The following WDR72 variants were observed in gnomAD, a reference collection of about 807,000 sequenced individuals.
WDR72 encodes the protein WD repeat domain 72.
In WDR72, 120 loss-of-function variants were observed where a neutral mutation model predicts 124.2. That is an observed-to-expected ratio of 0.97 (90% CI 0.83 to 1.12). The LOEUF (loss-of-function observed/expected upper bound fraction) is 1.12, where lower values mean the gene tolerates loss of function less well. Among genes scored for constraint, WDR72 ranks in the 50% most tolerant of loss-of-function variants. WDR72 has a pLI of 0.00. For synonymous variants in WDR72, 452 were observed against 441.7 expected (o/e 1.02, Z -0.29); for missense variants, 1,387 against 1,278.8 (o/e 1.08, Z -1.29).
chr15:53,548,359 G>A (rs543785578), intron 18 of WDR72, among the ~76,000 whole-genome samples: 44 of 152,286 alleles, frequency 2.9e-4, no homozygotes, highest in Admixed American at 5.9e-4. Context: ...CCTGATGGGA[G>A]GGCTCGGGCT....
chr15:53,571,165 G>A (rs375231609), intron 18 of WDR72, among the ~76,000 whole-genome samples: 1 of 152,046 alleles, frequency 6.6e-6, no homozygotes, highest in African/African-American at 2.4e-5. Flanking sequence ...AAAGAGGGGA[G>A]AAAGTGTTGA....
chr15:53,665,421 T>A, intron 14 of WDR72, 151 bp downstream of exon 14: 1 of 852,460 alleles, frequency 1.2e-6, no homozygotes, highest in Non-Finnish European at 1.9e-6. Flanking sequence ...CAAAAAGTTA[T>A]ACTGATTCAC....
chr15:53,598,268 T>C (rs183807655), intron 17 of WDR72, among the ~76,000 whole-genome samples: 1 of 111,986 alleles, frequency 8.9e-6, no homozygotes, highest in African/African-American at 2.7e-5. Flanking sequence ...GTGCCTTTCA[T>C]ATAGCCACAT....
At chr15:53,574,486 TCA>T (rs1894679036) in intron 18 of WDR72, among the ~76,000 whole-genome samples, 1 of 152,200 alleles carries the variant, frequency 6.6e-6, no homozygotes. Context: ...TAAGAGGCAC[TCA>T]GATTTCGGAA....
At chr15:53,523,641 G>A (rs552711930) in intron 18 of WDR72, among the ~76,000 whole-genome samples, 5 of 151,948 alleles carry the variant, frequency 3.3e-5, no homozygotes, top group Non-Finnish European at 7.4e-5. Context: ...AAACAATATA[G>A]TCAATTAACA....
At position 53,699,761 on chromosome 15, in the gene WDR72, T is replaced by G. The variant is rs1383177863; in HGVS notation, c.1754A>C (p.Glu585Ala). 1 of 1,614,030 alleles carries G rather than the reference T, an allele frequency of 6.2e-7. No homozygotes were observed. The highest frequency in any genetic ancestry group is 1.3e-5 in the African/African-American group (1 of 74,918). Residue 585 changes from glutamate to alanine, a missense_variant, in exon 13 of 20, where the codon GAA (glutamate) becomes GCA (alanine). By Grantham distance (107) the Glu-to-Ala change is moderately radical (BLOSUM62 -1). Coordinates refer to ENST00000360509, the MANE Select transcript of WDR72 (RefSeq NM_182758.4). ...GCADDSVYIW[E>A]IETGTLERHE... ...AAATTTCAACTTACCTGTTTCAATTTCCCAGATATAAACTGAGTCATCTGC... is the reference window on the plus strand; with the variant it reads ...AAATTTCAACTTACCTGTTTCAATTGCCCAGATATAAACTGAGTCATCTGC...
chr15:53,534,578 A>T (rs1016913813), intron 18 of WDR72, among the ~76,000 whole-genome samples: 1 of 152,124 alleles, frequency 6.6e-6, no homozygotes, highest in Non-Finnish European at 1.5e-5. Flanking sequence ...AGTTCAAGGA[A>T]AGGGTCACTC....
At chr15:53,551,226 G>T (rs1893715673) in intron 18 of WDR72, among the ~76,000 whole-genome samples, 1 of 152,088 alleles carries the variant, frequency 6.6e-6, no homozygotes, top group South Asian at 2.1e-4. Flanking sequence ...ACGGGGAGGT[G>T]ACTGGCAAAA....
intron 14 of WDR72, among the ~76,000 whole-genome samples, chr15:53,621,485 G>C (rs1237745219): frequency 7.0e-6 from 1 of 143,326 alleles, no homozygotes; most frequent in Non-Finnish European, 1.5e-5. Flanking sequence ...GCTGTAAAAA[G>C]GAATATGACC....
intron 2 of WDR72, among the ~76,000 whole-genome samples, chr15:53,731,050 A>G (rs1383222804): frequency 1.3e-5 from 2 of 152,186 alleles, no homozygotes; most frequent in African/African-American, 4.8e-5. Flanking sequence ...GGAGTATCTC[A>G]CATTCATACG....
chr15:53,725,514 A>C (rs1472681230), intron 2 of WDR72, among the ~76,000 whole-genome samples: 1 of 152,250 alleles, frequency 6.6e-6, no homozygotes, highest in Non-Finnish European at 1.5e-5. Context: ...ACAAATGTTT[A>C]CAGTAGCTTT....
intron 18 of WDR72, among the ~76,000 whole-genome samples, chr15:53,573,475 G>A (rs939597227): frequency 5.9e-5 from 9 of 151,668 alleles, no homozygotes; most frequent in Non-Finnish European, 1.3e-4. Flanking sequence ...AATGTCATTT[G>A]ATGATGTGTT....
chr15:53,756,716 G>A (rs1472510831), intron 1 of WDR72: 2 of 152,184 alleles, frequency 1.3e-5, no homozygotes, highest in Non-Finnish European at 2.9e-5. Context: ...TACGTTCACT[G>A]CTTCATGCGG....
intron 15 of WDR72, 27 bp downstream of exon 15, chr15:53,615,399 T>C: frequency 2.0e-6 from 3 of 1,522,738 alleles, no homozygotes; most frequent in Non-Finnish European, 2.7e-6. Flanking sequence ...TAATCTAGTA[T>C]AGTCAAAATC....
chr15:53,677,699 C>T (rs1262841625), intron 13 of WDR72, among the ~76,000 whole-genome samples: 2 of 152,162 alleles, frequency 1.3e-5, no homozygotes, highest in African/African-American at 2.4e-5. Flanking sequence ...CCTCCCCAGA[C>T]ACGTGGAACT....
intron 14 of WDR72, among the ~76,000 whole-genome samples, chr15:53,652,630 T>G (rs1365278920): frequency 6.6e-6 from 1 of 152,168 alleles, no homozygotes; most frequent in Non-Finnish European, 1.5e-5. Context: ...AAGTAATTAT[T>G]TCAGGGAAGT....
At chr15:53,647,766 G>T (rs1320520635) in intron 14 of WDR72, among the ~76,000 whole-genome samples, 1 of 152,100 alleles carries the variant, frequency 6.6e-6, no homozygotes, top group Non-Finnish European at 1.5e-5. Context: ...GACATTGTTT[G>T]TTACTAGAAC....
intron 17 of WDR72, among the ~76,000 whole-genome samples, chr15:53,600,059 A>G (rs1461237372): frequency 6.6e-6 from 1 of 152,210 alleles, no homozygotes; most frequent in East Asian, 1.9e-4. Context: ...ATATATATTT[A>G]AACTCAGTGT....
At chr15:53,522,743 G>A (rs775831872) in intron 19 of WDR72, among the ~76,000 whole-genome samples, 2 of 151,984 alleles carry the variant, frequency 1.3e-5, no homozygotes, top group African/African-American at 2.4e-5. Flanking sequence ...ACATTTGACA[G>A]TATTCATTAC....
Sources: gnomAD v4.1 joint callset for allele counts (sites outside exome capture counted in the v4.1 genomes callset) on GRCh38, gnomAD v4.1.1 for gene constraint, MANE v1.5 for transcripts, NCBI Gene and HGNC (gene_info 2026-07-23, HGNC 2026-07-21) for gene names.